The following DPYSL3 variants were observed in gnomAD, a reference collection of about 807,000 sequenced individuals.
DPYSL3 encodes dihydropyrimidinase like 3.
DPYSL3 carries 16 observed loss-of-function variants against 66.1 expected under a neutral mutation model. That is an observed-to-expected ratio of 0.24 (90% CI 0.16 to 0.37). DPYSL3 has a LOEUF of 0.37. Ranked by LOEUF, DPYSL3 falls within the 10% of genes least tolerant of loss-of-function variation. The pLI is 1.00. For missense variants in DPYSL3, 738 were observed against 916.2 expected, an observed-to-expected ratio of 0.81 and a Z score of 2.51; for synonymous variants, 338 against 345.1, an observed-to-expected ratio of 0.98 and a Z score of 0.23.
chr5:147,397,966 A>C, intron 11 of DPYSL3, 121 bp from the exon 12 acceptor site: 54 of 1,021,940 alleles, frequency 5.3e-5, no homozygotes, highest in Non-Finnish European at 6.5e-5. Flanking sequence ...GGAAAAGCTC[A>C]CCATGCATCT....
intron 1 of DPYSL3, among the ~76,000 whole-genome samples, chr5:147,438,042 C>T (rs1752446562): frequency 6.6e-6 from 1 of 152,146 alleles, no homozygotes; most frequent in Admixed American, 6.5e-5. Flanking sequence ...TCTACAACAA[C>T]CCAAACACAC....
chr5:147,464,161 G>C (rs1752974510), intron 1 of DPYSL3, among the ~76,000 whole-genome samples: 1 of 152,186 alleles, frequency 6.6e-6, no homozygotes, highest in East Asian at 1.9e-4. Flanking sequence ...TGCCAATTCA[G>C]AGAGGAGTCT....
At chr5:147,442,005 C>G (rs1358132190) in intron 1 of DPYSL3, among the ~76,000 whole-genome samples, 1 of 152,142 alleles carries the variant, frequency 6.6e-6, no homozygotes, top group African/African-American at 2.4e-5. Flanking sequence ...ATAATTTAAA[C>G]CAATTTAATT....
intron 3 of DPYSL3, among the ~76,000 whole-genome samples, chr5:147,417,887 C>A (rs961920069): frequency 6.6e-6 from 1 of 152,216 alleles, no homozygotes; most frequent in African/African-American, 2.4e-5. Context: ...GCCTCCAGCG[C>A]CAGTTGCTTT....
intron 1 of DPYSL3, chr5:147,453,521 G>T: frequency 6.6e-7 from 1 of 1,522,578 alleles, no homozygotes; most frequent in Non-Finnish European, 8.8e-7. Context: ...CGAGCGAGGA[G>T]GGAGGGAGCA....
At chr5:147,416,624 C>T (rs1367551274) in intron 3 of DPYSL3, among the ~76,000 whole-genome samples, 1 of 152,174 alleles carries the variant, frequency 6.6e-6, no homozygotes, top group East Asian at 1.9e-4. Flanking sequence ...CAAAGTACAG[C>T]TAAGGACAAC....
chr5:147,401,078 A>G (rs966549923), intron 9 of DPYSL3, among the ~76,000 whole-genome samples: 1 of 152,250 alleles, frequency 6.6e-6, no homozygotes, highest in Non-Finnish European at 1.5e-5. Context: ...AAATGTACTC[A>G]AATGAGCAAT....
chr5:147,430,056 TA>T (rs1752278197), intron 1 of DPYSL3, among the ~76,000 whole-genome samples: 1 of 148,632 alleles, frequency 6.7e-6, no homozygotes, highest in African/African-American at 2.5e-5. Context: ...AAACTAACCA[TA>T]AAAAACTCAG....
At chr5:147,501,349 G>A (rs1417346644) in intron 1 of DPYSL3, among the ~76,000 whole-genome samples, 1 of 152,148 alleles carries the variant, frequency 6.6e-6, no homozygotes, top group African/African-American at 2.4e-5. Flanking sequence ...AAGATTTTTA[G>A]GGCAGTAAAA....
chr5:147,502,883 T>A lies in DPYSL3; in HGVS notation c.381+6595A>T, dbSNP rs577133394. ...GAGCCACTGTGCCCGGCCTTAATAA[T>A]GCTTTTTGCAAAAATGAGTAAAGAC... On this transcript the variant is annotated intron_variant, in intron 1 of 13. Coordinates refer to ENST00000343218, the MANE Select transcript of DPYSL3 (RefSeq NM_001197294.2). Among the ~76,000 whole-genome samples, 21 of 152,142 alleles carry A rather than the reference T, an allele frequency of 1.4e-4. No individual in the cohort carries two copies. The East Asian group carries it at 4.1e-3, about 30-fold the overall frequency.
chr5:147,460,021 G>A (rs1390025302), intron 1 of DPYSL3, among the ~76,000 whole-genome samples: 1 of 152,048 alleles, frequency 6.6e-6, no homozygotes, highest in African/African-American at 2.4e-5. Context: ...TGAGGCAGGA[G>A]AATGGTGTGA....
chr5:147,453,429 G>T lies in DPYSL3; in HGVS notation c.382-28466C>A, dbSNP rs1408548314. On this transcript the variant is annotated intron_variant, in intron 1 of 13. Coordinates refer to ENST00000343218, the MANE Select transcript of DPYSL3 (RefSeq NM_001197294.2). ...CCGCGCTCCGCCACCCGGACCCCGG[G>T]TCTCCGTCCCTCCCCGGGGACCAGG... The T allele has an allele frequency of 2.2e-6, 3 of 1,361,804 alleles. No homozygotes were observed. In the East Asian group the frequency reaches 9.1e-5, roughly 41 times the overall value. 84.4% of individuals were successfully genotyped at this position (1,361,804 alleles called of 1,614,324 possible).
At chr5:147,412,480 G>A (rs1281408351) in intron 6 of DPYSL3, 128 bp downstream of exon 6, 4 of 873,948 alleles carry the variant, frequency 4.6e-6, no homozygotes, top group Non-Finnish European at 3.6e-6. Flanking sequence ...CTTGGAGCAG[G>A]TTCTGTCTTT....
chr5:147,401,516 G>T, intron 9 of DPYSL3, 24 bp downstream of exon 9: 1 of 1,594,540 alleles, frequency 6.3e-7, no homozygotes, highest in Non-Finnish European at 8.6e-7. Context: ...CAAAACGCCT[G>T]CTGCTGGGCA....
At chr5:147,488,122 T>C (rs959742249) in intron 1 of DPYSL3, among the ~76,000 whole-genome samples, 1 of 152,236 alleles carries the variant, frequency 6.6e-6, no homozygotes, top group South Asian at 2.1e-4. Flanking sequence ...GTGGGAATAG[T>C]ATCCAAAGAG....
In DPYSL3 at chr5:147,447,247, A is replaced by G. The variant is rs190237363; in HGVS notation, c.382-22284T>C. Among the ~76,000 whole-genome samples, 153 of 152,358 alleles carry G rather than the reference A, an allele frequency of 1.0e-3. 4 individuals are homozygous for G. Among genetic ancestry groups the G allele is most frequent in the Admixed American group, 9.7e-3 (149 of 15,304 alleles). ...CTAATTAACAGAAGAAAGTTCCTCA[A>G]GAAAAGTAGTTTTTATACTGGGCTT... On this transcript the variant is annotated intron_variant, in intron 1 of 13. Transcript: ENST00000343218.
At chr5:147,503,185 C>A (rs1370415915) in intron 1 of DPYSL3, among the ~76,000 whole-genome samples, 47 of 152,174 alleles carry the variant, frequency 3.1e-4, no homozygotes, top group Admixed American at 3.0e-3. Flanking sequence ...GACTTCCAAG[C>A]ACTCACCCAA....
At chr5:147,438,172 G>C (rs1752448855) in intron 1 of DPYSL3, among the ~76,000 whole-genome samples, 1 of 152,142 alleles carries the variant, frequency 6.6e-6, no homozygotes, top group Non-Finnish European at 1.5e-5. Flanking sequence ...GCTTCCATCT[G>C]TCTGTCTAAA....
chr5:147,395,756 A>T (rs1480881121), intron 12 of DPYSL3, 35 bp from the exon 13 acceptor site: 9 of 1,610,834 alleles, frequency 5.6e-6, no homozygotes, highest in Admixed American at 1.7e-5. Flanking sequence ...CCATTCATTC[A>T]TTCAGCATTT....
Sources: gnomAD v4.1 joint callset for allele counts (sites outside exome capture counted in the v4.1 genomes callset) on GRCh38, gnomAD v4.1.1 for gene constraint, MANE v1.5 for transcripts, NCBI Gene and HGNC (gene_info 2026-07-23, HGNC 2026-07-21) for gene names.